The following GPHN variants were observed in gnomAD, a reference collection of about 807,000 sequenced individuals.
The protein encoded by GPHN is gephyrin.
A neutral mutation model predicts 95.5 loss-of-function variants in GPHN; 17 were observed. The ratio of observed to expected loss-of-function variants is 0.18; its 90% confidence interval spans 0.12 to 0.27. The LOEUF (loss-of-function observed/expected upper bound fraction) is 0.27. GPHN is among the 10% of genes least tolerant of loss of function. GPHN has a pLI of 1.00. For synonymous variants in GPHN, 320 were observed against 322.5 expected, an observed-to-expected ratio of 0.99 and a Z score of 0.08; for missense variants, 660 against 978.1, an observed-to-expected ratio of 0.67 and a Z score of 4.34.
chr14:67,073,348 A>T (rs942209213), intron 11 of GPHN, among the ~76,000 whole-genome samples: 1 of 152,138 alleles, frequency 6.6e-6, no homozygotes, highest in African/African-American at 2.4e-5. Flanking sequence ...TATCCTACTC[A>T]TTTGACCAGG....
chr14:67,352,769 A>T, the GPHN span: 2 of 576,190 alleles, frequency 3.5e-6, no homozygotes, highest in Non-Finnish European at 3.0e-6. Context: ...TATTAAATGA[A>T]CTATTTGATA....
At chr14:66,750,467 A>G (rs910790838) in intron 2 of GPHN, among the ~76,000 whole-genome samples, 4 of 151,942 alleles carry the variant, frequency 2.6e-5, no homozygotes, top group African/African-American at 7.2e-5. Context: ...AGTAGTAGCC[A>G]TGGTCTTAAG....
the GPHN span, among the ~76,000 whole-genome samples, chr14:67,341,159 T>G: frequency 1.7e-3 from 252 of 152,050 alleles, no homozygotes; most frequent in Non-Finnish European, 3.1e-3. Flanking sequence ...GAGGAGCCCC[T>G]CTGCCTGGCT....
chr14:67,070,715 A>AAAAAAAAAAAAAAAATATATATATAT, intron 11 of GPHN, among the ~76,000 whole-genome samples: 4 of 80,700 alleles, frequency 5.0e-5, no homozygotes, highest in Non-Finnish European at 7.5e-5. Context: ...AAAAAAAAAA[A>AAAAAAAAAAAAAAAATATATATATAT]ATATATATAT....
At chr14:67,021,286 C>T (rs564426992) in intron 9 of GPHN, among the ~76,000 whole-genome samples, 1 of 152,056 alleles carries the variant, frequency 6.6e-6, no homozygotes, top group African/African-American at 2.4e-5. Flanking sequence ...TAAAGTGATT[C>T]TCCCCAAATC....
At chr14:66,832,250 A>C (rs938174509) in intron 4 of GPHN, among the ~76,000 whole-genome samples, 1 of 152,220 alleles carries the variant, frequency 6.6e-6, no homozygotes, top group African/African-American at 2.4e-5. Context: ...TGACTTGCCC[A>C]AGACTTTTCA....
the GPHN span, chr14:67,397,628 A>G: frequency 6.4e-7 from 1 of 1,574,540 alleles, no homozygotes; most frequent in Non-Finnish European, 8.7e-7. Context: ...GCTGTGGAAC[A>G]GAGAGGAGCT....
At chr14:67,627,256 G>GAGATATATATATAT in the GPHN span, among the ~76,000 whole-genome samples, 1 of 133,750 alleles carries the variant, frequency 7.5e-6, no homozygotes, top group African/African-American at 3.0e-5. Context: ...TCAGTAAGGA[G>GAGATATATATATAT]ATATATATAT....
At chr14:67,589,673 G>C in the GPHN span, 3 of 989,672 alleles carry the variant, frequency 3.0e-6, no homozygotes. Context: ...TGTTTTTTTC[G>C]TAACTTTACA....
chr14:67,575,412 G>T, the GPHN span: 1 of 1,609,084 alleles, frequency 6.2e-7, no homozygotes, highest in Non-Finnish European at 8.5e-7. Flanking sequence ...GCCACTCCAA[G>T]GTGGTCTGGT....
the GPHN span, chr14:67,395,322 C>G: frequency 2.4e-6 from 3 of 1,260,396 alleles, no homozygotes; most frequent in South Asian, 1.3e-5. Context: ...AGCACAGAGC[C>G]CCCCCAAGGG....
chr14:67,686,806 C>A, the GPHN span, among the ~76,000 whole-genome samples: 2 of 152,066 alleles, frequency 1.3e-5, no homozygotes, highest in African/African-American at 4.8e-5. Flanking sequence ...ACATACACTG[C>A]CTATTAATCT....
the GPHN span, chr14:67,691,215 T>G: frequency 6.2e-7 from 1 of 1,613,968 alleles, no homozygotes; most frequent in Non-Finnish European, 8.5e-7. Context: ...ACTCCTGCAT[T>G]GTTGATCAAA....
At chr14:66,584,647 A>G (rs1236597657) in intron 1 of GPHN, among the ~76,000 whole-genome samples, 1 of 152,122 alleles carries the variant, frequency 6.6e-6, no homozygotes, top group Non-Finnish European at 1.5e-5. Flanking sequence ...TGAGATGATC[A>G]TGTGGTTTTC....
intron 17 of GPHN, among the ~76,000 whole-genome samples, chr14:67,134,568 C>G (rs1407611064): frequency 2.0e-5 from 3 of 152,148 alleles, no homozygotes; most frequent in African/African-American, 7.2e-5. Context: ...TTCATTCAGC[C>G]CATTTACTGA....
At chr14:67,635,168 TGA>T in the GPHN span, among the ~76,000 whole-genome samples, 1 of 152,168 alleles carries the variant, frequency 6.6e-6, no homozygotes, top group Admixed American at 6.5e-5. Context: ...TGCTTGAGCC[TGA>T]GAGGTTGAGG....
the GPHN span, chr14:67,254,180 T>G: frequency 1.4e-5 from 2 of 139,184 alleles, no homozygotes; most frequent in Admixed American, 7.3e-5. Context: ...TTAAGTGTCT[T>G]TCTTTTTTTT....
the GPHN span, chr14:67,321,003 CCT>C: frequency 4.5e-5 from 66 of 1,453,024 alleles, 1 homozygote; most frequent in African/African-American, 3.3e-4. Flanking sequence ...AGAATTATCC[CCT>C]GTCCTCACTC....
chr14:66,868,413 A>T (rs2063307456), intron 4 of GPHN, among the ~76,000 whole-genome samples: 1 of 152,118 alleles, frequency 6.6e-6, no homozygotes, highest in Non-Finnish European at 1.5e-5. Flanking sequence ...GGTTTTTTTA[A>T]GACAGAGTCT....
Sources: allele counts gnomAD v4.1 joint callset (sites outside exome capture counted in the v4.1 genomes callset), GRCh38; gene constraint gnomAD v4.1.1; transcripts MANE v1.5; gene names NCBI Gene and HGNC (gene_info 2026-07-23, HGNC 2026-07-21).